Variants in RAB38 observed in about 807,000 individuals in gnomAD.
The protein encoded by RAB38 is RAB38, member RAS oncogene family, also known as ras-related protein Rab-38.
Under a neutral mutation model 18.4 loss-of-function variants are expected in RAB38, and 15 were observed. The observed-to-expected ratio is 0.82, with a 90% confidence interval of 0.55 to 1.26. The LOEUF (loss-of-function observed/expected upper bound fraction) is 1.26. Among genes scored for constraint, RAB38 ranks in the 50% most tolerant of loss-of-function variants. The probability of loss-of-function intolerance (pLI) is 0.00; values close to 1 mark genes in which losing one functional copy is unlikely to be tolerated. For missense variants in RAB38, 294 were observed against 267.4 expected (o/e 1.10, Z -0.69); for synonymous variants, 101 against 104.4 (o/e 0.97, Z 0.20).
chr11:87,926,237 T>C, the RAB38 span, among the ~76,000 whole-genome samples: 5 of 151,978 alleles, frequency 3.3e-5, no homozygotes, highest in Admixed American at 3.3e-4. Context: ...TAGTTTCTCT[T>C]TCACATCTCT....
At chr11:87,856,610 C>T in the RAB38 span, among the ~76,000 whole-genome samples, 3 of 152,106 alleles carry the variant, frequency 2.0e-5, no homozygotes, top group Non-Finnish European at 2.9e-5. Context: ...TCCCATCAAA[C>T]CTGAGAATAG....
intron 1 of RAB38, among the ~76,000 whole-genome samples, chr11:88,164,303 T>C (rs1943222921): frequency 7.0e-6 from 1 of 142,374 alleles, no homozygotes; most frequent in South Asian, 2.2e-4. Flanking sequence ...AAACAGGATA[T>C]TTTAAATTTT....
chr11:88,073,695 C>A, the RAB38 span, among the ~76,000 whole-genome samples: 1 of 151,640 alleles, frequency 6.6e-6, no homozygotes, highest in Admixed American at 6.6e-5. Context: ...CAATGACTGA[C>A]CCTAACAAGA....
the RAB38 span, among the ~76,000 whole-genome samples, chr11:88,056,446 G>T: frequency 5.9e-5 from 9 of 152,078 alleles, no homozygotes; most frequent in Non-Finnish European, 1.3e-4. Flanking sequence ...GGAAGTCTTC[G>T]GGAACTAAAT....
chr11:87,975,052 A>T, the RAB38 span, among the ~76,000 whole-genome samples: 4 of 151,914 alleles, frequency 2.6e-5, no homozygotes, highest in Non-Finnish European at 4.4e-5. Flanking sequence ...GGTGATTGCC[A>T]GCAATCCTTG....
chr11:88,033,413 G>T, the RAB38 span, among the ~76,000 whole-genome samples: 1 of 151,828 alleles, frequency 6.6e-6, no homozygotes, highest in Non-Finnish European at 1.5e-5. Flanking sequence ...GAAAGTATTT[G>T]ATTAACATGG....
chr11:88,117,886 T>C (rs929088728), intron 2 of RAB38, among the ~76,000 whole-genome samples: 2 of 152,212 alleles, frequency 1.3e-5, no homozygotes, highest in African/African-American at 4.8e-5. Context: ...ATGTTATCTG[T>C]ATATTCTCCT....
chr11:87,815,083 G>A, the RAB38 span: 4 of 152,170 alleles, frequency 2.6e-5, no homozygotes, highest in African/African-American at 9.7e-5. Context: ...GGTGAGGATG[G>A]TAGAGAAGTT....
In RAB38 at chr11:88,152,808, T is replaced by C. The variant is rs552980426; in HGVS notation, c.203-2853A>G. Among the ~76,000 whole-genome samples the C allele has an allele frequency of 2.0e-5, 3 of 152,380 alleles. No individual in the cohort carries two copies. In the East Asian group the frequency reaches 5.8e-4, roughly 29 times the overall value. On this transcript the variant is annotated intron_variant, in intron 1 of 2. Coordinates refer to ENST00000243662, the MANE Select transcript of RAB38 (RefSeq NM_022337.3). ...ACTTCCCTTGATTTTAGATCACTTA[T>C]TCAACACACATTTATGGAATAGCTA... is the stretch of plus-strand genomic sequence containing the variant.
the RAB38 span, among the ~76,000 whole-genome samples, chr11:87,842,820 A>ATG: frequency 2.7e-5 from 2 of 74,994 alleles, no homozygotes; most frequent in African/African-American, 1.1e-4. Flanking sequence ...GCGCGCGCAC[A>ATG]CACACACACA....
the RAB38 span, among the ~76,000 whole-genome samples, chr11:88,053,048 A>T: frequency 7.7e-6 from 1 of 130,678 alleles, no homozygotes; most frequent in African/African-American, 2.9e-5. Flanking sequence ...ATATACATAT[A>T]TGGAATATAT....
the RAB38 span, among the ~76,000 whole-genome samples, chr11:88,078,444 C>A: frequency 4.6e-5 from 7 of 151,514 alleles, no homozygotes; most frequent in East Asian, 1.4e-3. Flanking sequence ...CCTAATTGCC[C>A]ATCAAGGGAT....
chr11:88,007,114 T>C, the RAB38 span, among the ~76,000 whole-genome samples: 3 of 151,766 alleles, frequency 2.0e-5, no homozygotes, highest in Admixed American at 2.0e-4. Context: ...TTGTTCCTCA[T>C]AAATATGTAC....
the RAB38 span, among the ~76,000 whole-genome samples, chr11:88,057,983 G>C: frequency 4.6e-5 from 7 of 152,108 alleles, no homozygotes; most frequent in African/African-American, 1.7e-4. Context: ...GTACTTACCC[G>C]CAGCGCAAGT....
At chr11:88,101,969 T>C in the RAB38 span, among the ~76,000 whole-genome samples, 1 of 151,960 alleles carries the variant, frequency 6.6e-6, no homozygotes, top group Non-Finnish European at 1.5e-5. Context: ...AATGGTTACC[T>C]TGGAGATCCT....
At chr11:88,133,286 A>G (rs1225587719) in intron 2 of RAB38, among the ~76,000 whole-genome samples, 1 of 152,248 alleles carries the variant, frequency 6.6e-6, no homozygotes. Context: ...TGAAAGCCAA[A>G]TAAGAAAATA....
At chr11:87,882,873 A>C in the RAB38 span, among the ~76,000 whole-genome samples, 8 of 151,978 alleles carry the variant, frequency 5.3e-5, no homozygotes, top group East Asian at 1.6e-3. Flanking sequence ...TCTCTCCCCA[A>C]GAAAAAAAAT....
chr11:88,031,490 A>G, the RAB38 span, among the ~76,000 whole-genome samples: 22 of 152,034 alleles, frequency 1.4e-4, no homozygotes, highest in Admixed American at 1.1e-3. Flanking sequence ...CCATTGTCTC[A>G]GCCCAAAATC....
the RAB38 span, among the ~76,000 whole-genome samples, chr11:87,963,170 T>C: frequency 2.6e-5 from 4 of 152,302 alleles, no homozygotes; most frequent in South Asian, 8.3e-4. Context: ...TCTCTGAATT[T>C]TCTACCAACT....
Sources: allele counts gnomAD v4.1 joint callset (sites outside exome capture counted in the v4.1 genomes callset), GRCh38; gene constraint gnomAD v4.1.1; transcripts MANE v1.5; gene names NCBI Gene and HGNC (gene_info 2026-07-23, HGNC 2026-07-21).